DAB1: variants seen among roughly 807,000 people sequenced by gnomAD.
DAB1 encodes the protein disabled homolog 1.
A neutral mutation model predicts 64.6 loss-of-function variants in DAB1; 15 were observed. That is an observed-to-expected ratio of 0.23 (90% CI 0.16 to 0.36). DAB1 has a LOEUF of 0.36. Ranked by LOEUF, DAB1 falls within the 10% of genes least tolerant of loss-of-function variation. DAB1 has a pLI of 1.00. For missense variants in DAB1, 596 were observed against 706.7 expected (o/e 0.84, Z 1.78); for synonymous variants, 235 against 251.9 (o/e 0.93, Z 0.64).
At chr1:57,583,057 A>C (rs1645332637) in intron 7 of DAB1, among the ~76,000 whole-genome samples, 1 of 152,142 alleles carries the variant, frequency 6.6e-6, no homozygotes, top group African/African-American at 2.4e-5. Flanking sequence ...AGAATTGGAG[A>C]AGTGAACTCA....
chr1:58,261,172 C>G (rs1489810840), intron 4 of DAB1, among the ~76,000 whole-genome samples: 3 of 152,156 alleles, frequency 2.0e-5, no homozygotes, highest in Non-Finnish European at 4.4e-5. Context: ...TGCTGAAGCT[C>G]AAGTCCTATG....
chr1:57,272,132 C>G (rs1425521792), intron 2 of DAB1, among the ~76,000 whole-genome samples: 3 of 152,128 alleles, frequency 2.0e-5, no homozygotes, highest in Admixed American at 2.0e-4. Context: ...GCTCCAAGCC[C>G]TCAGGAGAGC....
At position 56,995,423 on chromosome 1, in the gene DAB1, G is replaced by A. The variant is rs556433665; in HGVS notation, c.*2721C>T. 2.0e-5 allele frequency: 3 copies of A among 152,316 alleles called. No homozygotes were observed. Among genetic ancestry groups the A allele is most frequent in the Admixed American group, 6.5e-5 (1 of 15,308 alleles). The allele number at this position is 152,316 out of a possible 1,614,324, so 9.4% of individuals were successfully genotyped here. A position where few individuals can be genotyped will look rare whatever the true frequency, so the allele number is the denominator to read the frequency against. On this transcript the variant is annotated 3_prime_UTR_variant, in exon 15 of 15. Coordinates refer to ENST00000371236, the MANE Select transcript of DAB1 (RefSeq NM_001365792.1). ...GGAAAAAAATCAGAATTCTGCCAAT[G>A]AGAATATGGATGGCAGTTGAAAAAC...
intron 4 of DAB1, among the ~76,000 whole-genome samples, chr1:58,296,604 T>G (rs115305163): frequency 6.1e-4 from 93 of 152,322 alleles, no homozygotes; most frequent in African/African-American, 2.2e-3. Context: ...TCTTCCTCAG[T>G]CCTGATTAGA....
chr1:57,627,209 A>T lies in DAB1; in HGVS notation n.625+22383T>A, dbSNP rs569192934. ...GTGTTCCTGGTTCTCACACCTTTGGACCCAGACTGGGAATCTACATTATTG... is the reference window on the plus strand; with the variant it reads ...GTGTTCCTGGTTCTCACACCTTTGGTCCCAGACTGGGAATCTACATTATTG... On this transcript the variant is annotated intron_variant and non_coding_transcript_variant, in intron 7 of 20. Coordinates refer to the DAB1 transcript ENST00000485760. Among the ~76,000 whole-genome samples the T allele has an allele frequency of 3.3e-5, 5 of 152,150 alleles. No homozygotes were observed. The South Asian group carries it at 1.0e-3, about 32-fold the overall frequency.
At chr1:57,127,237 T>C (rs1037335519) in intron 4 of DAB1, among the ~76,000 whole-genome samples, 1 of 152,170 alleles carries the variant, frequency 6.6e-6, no homozygotes, top group African/African-American at 2.4e-5. Context: ...GCCATCTAAA[T>C]AAAAGCAGAG....
intron 7 of DAB1, among the ~76,000 whole-genome samples, chr1:57,622,442 GTCTA>G (rs1404923375): frequency 6.6e-6 from 1 of 152,186 alleles, no homozygotes; most frequent in East Asian, 1.9e-4. Context: ...GTTGATGATA[GTCTA>G]TCTTCTTATA....
intron 7 of DAB1, among the ~76,000 whole-genome samples, chr1:57,616,460 C>A (rs1645791189): frequency 6.6e-6 from 1 of 152,076 alleles, no homozygotes; most frequent in Non-Finnish European, 1.5e-5. Flanking sequence ...CTGGTTTCTC[C>A]AAACATAGTA....
At chr1:57,314,149 T>C (rs1388321518) in intron 1 of DAB1, among the ~76,000 whole-genome samples, 2 of 152,148 alleles carry the variant, frequency 1.3e-5, no homozygotes, top group Non-Finnish European at 2.9e-5. Flanking sequence ...CCTACGCAAT[T>C]TACTCACTCA....
At chr1:58,406,228 C>A (rs1644614303) in intron 3 of DAB1, among the ~76,000 whole-genome samples, 1 of 152,180 alleles carries the variant, frequency 6.6e-6, no homozygotes, top group Non-Finnish European at 1.5e-5. Flanking sequence ...CTCAGCTCCC[C>A]ACTCTGTGAC....
intron 3 of DAB1, among the ~76,000 whole-genome samples, chr1:58,486,956 A>T (rs1645586224): frequency 6.6e-6 from 1 of 152,212 alleles, no homozygotes; most frequent in Admixed American, 6.5e-5. Context: ...ACGTGCCTGG[A>T]AGACATAGGA....
At position 58,008,831 on chromosome 1, in the gene DAB1, G is replaced by A. The variant is rs372125004; in HGVS notation, n.388-124669C>T. Among the ~76,000 whole-genome samples the A allele has an allele frequency of 1.1e-3, 163 of 152,188 alleles. 1 individual carries two copies. In the South Asian group the frequency reaches 0.033, roughly 31 times the overall value. On this transcript the variant is annotated intron_variant and non_coding_transcript_variant, in intron 5 of 20. Coordinates refer to the DAB1 transcript ENST00000485760. Reference sequence around the variant, plus strand: ...CCAGCAGGGCATTTGAGATCAGAAGGTTCAAGTTTAAGTTCCAATTCTTCT... The same window carrying A: ...CCAGCAGGGCATTTGAGATCAGAAGATTCAAGTTTAAGTTCCAATTCTTCT...
intron 7 of DAB1, among the ~76,000 whole-genome samples, chr1:57,441,959 T>A (rs902641416): frequency 3.3e-5 from 5 of 152,220 alleles, no homozygotes; most frequent in Non-Finnish European, 5.9e-5. Flanking sequence ...ATTGTTGCAC[T>A]TTTTAATAAT....
At chr1:57,717,906 C>T (rs763452206) in intron 6 of DAB1, among the ~76,000 whole-genome samples, 18 of 150,904 alleles carry the variant, frequency 1.2e-4, no homozygotes, top group East Asian at 3.9e-4. Context: ...CTCATTAATA[C>T]GTAGAATCTT....
chr1:57,955,759 G>A (rs1445503187), intron 5 of DAB1, among the ~76,000 whole-genome samples: 1 of 151,836 alleles, frequency 6.6e-6, no homozygotes, highest in Non-Finnish European at 1.5e-5. Context: ...CTCCATTGAG[G>A]TTTAAGGTAT....
chr1:57,394,103 A>G (rs1682615831), intron 1 of DAB1, among the ~76,000 whole-genome samples: 1 of 152,200 alleles, frequency 6.6e-6, no homozygotes, highest in South Asian at 2.1e-4. Flanking sequence ...CCTTTATCAT[A>G]TATGGTGCAG....
chr1:58,458,386 G>A lies in DAB1; in HGVS notation n.257+47674C>T, dbSNP rs190387239. Among the ~76,000 whole-genome samples the A allele has an allele frequency of 4.7e-3, 723 of 152,296 alleles. 6 individuals carry two copies. Among genetic ancestry groups the A allele is most frequent in the African/African-American group, 0.017 (691 of 41,566 alleles). On this transcript the variant is annotated intron_variant and non_coding_transcript_variant, in intron 3 of 20. Transcript: ENST00000485760. ...TGTTGTTTCCCCATTTTAGAGAGGT[G>A]GAAACAGTGATCAGCTGGTCAATTT...
chr1:57,212,803 C>T (rs1666129841), intron 2 of DAB1, among the ~76,000 whole-genome samples: 1 of 152,028 alleles, frequency 6.6e-6, no homozygotes, highest in African/African-American at 2.4e-5. Flanking sequence ...AAATAGGTGC[C>T]CTGTCTTTCT....
At chr1:57,170,466 A>G (rs1435945834) in intron 2 of DAB1, among the ~76,000 whole-genome samples, 1 of 152,232 alleles carries the variant, frequency 6.6e-6, no homozygotes, top group Non-Finnish European at 1.5e-5. Context: ...GGTGACAGGT[A>G]GGCACACAAG....
Sources: gnomAD v4.1 joint callset for allele counts (sites outside exome capture counted in the v4.1 genomes callset) on GRCh38, gnomAD v4.1.1 for gene constraint, MANE v1.5 for transcripts, NCBI Gene and HGNC (gene_info 2026-07-23, HGNC 2026-07-21) for gene names.